PDCD5: variants seen among roughly 807,000 people sequenced by gnomAD.
The protein encoded by PDCD5 is programmed cell death 5, also known as programmed cell death protein 5.
Under a neutral mutation model 21.9 loss-of-function variants are expected in PDCD5, and 23 were observed. That is an observed-to-expected ratio of 1.05 (90% CI 0.76 to 1.49). PDCD5 has a LOEUF of 1.49. Ranked by LOEUF, PDCD5 falls within the 40% of genes most tolerant of loss-of-function variation. PDCD5 has a pLI of 0.00. For missense variants in PDCD5, 152 were observed against 147.7 expected (o/e 1.03, Z -0.15); for synonymous variants, 45 against 49.4 (o/e 0.91, Z 0.37).
At chr19:32,581,371 C>A in intron 1 of PDCD5, 44 bp downstream of exon 1, 1 of 1,375,306 alleles carries the variant, frequency 7.3e-7, no homozygotes, top group Non-Finnish European at 9.6e-7. Context: ...CGCGGGGCGC[C>A]GCCCTCGCCC....
intron 1 of PDCD5, 89 bp downstream of exon 1, chr19:32,581,416 G>C (rs1199362460): frequency 3.4e-6 from 3 of 885,138 alleles, no homozygotes; most frequent in Non-Finnish European, 4.6e-6. Flanking sequence ...CGGAGGCTCT[G>C]GGCGCCTCCC....
Position 32,585,908 on chromosome 19 carries a change from G to A in PDCD5, c.258+1G>A. ...AAGATATGGACAACTAAGTGAGAAG[G>A]TAAGCTTAGACAGCCTTGAGGAACT... On this transcript the variant is annotated splice_donor_variant, in intron 4 of 5. Transcript: ENST00000590247. LOFTEE classifies it high-confidence loss of function. 1.2e-6 allele frequency: 2 copies of A among 1,612,768 alleles called. No individual in the cohort carries two copies. Among genetic ancestry groups the A allele is most frequent in the Non-Finnish European group, 1.7e-6 (2 of 1,178,740 alleles).
chr19:32,587,246 C>T lies in PDCD5; in HGVS notation c.331-7C>T, dbSNP rs369711435. 5.5e-5 allele frequency: 87 copies of T among 1,588,404 alleles called. No individual in the cohort carries two copies. Among genetic ancestry groups the T allele is most frequent in the Non-Finnish European group, 6.9e-5 (80 of 1,158,892 alleles). ...ATGTTCTGACACTCATTTAATTTTC[C>T]TCCCAGTTCAACAGAAGAAAAGTAA... On this transcript the variant is annotated splice_region_variant and splice_polypyrimidine_tract_variant and intron_variant, in intron 5 of 5. Coordinates refer to ENST00000590247, the MANE Select transcript of PDCD5 (RefSeq NM_004708.4).
At chr19:32,583,987 A>G (rs1180034125) in intron 2 of PDCD5, among the ~76,000 whole-genome samples, 2 of 152,050 alleles carry the variant, frequency 1.3e-5, no homozygotes, top group Non-Finnish European at 2.9e-5. Flanking sequence ...ACCCGCCACC[A>G]TGCCCGGCTA....
At chr19:32,584,808 T>TA (rs773005824) in intron 2 of PDCD5, 142 bp from the exon 3 acceptor site, 106 of 703,658 alleles carry the variant, frequency 1.5e-4, no homozygotes, top group Non-Finnish European at 2.4e-4. Flanking sequence ...GCTGCAGCCT[T>TA]ATGTACAGCA....
intron 1 of PDCD5, chr19:32,581,573 C>G (rs998696503): frequency 1.1e-5 from 4 of 354,488 alleles, no homozygotes; most frequent in Non-Finnish European, 2.0e-5. Flanking sequence ...GTGTGGGGTC[C>G]CCTAGCCTGG....
chr19:32,581,261 C>T lies in PDCD5; in HGVS notation c.-1C>T, dbSNP rs1971420878. 3 of 1,516,260 alleles carry T rather than the reference C, an allele frequency of 2.0e-6. No individual in the cohort carries two copies. The highest frequency in any genetic ancestry group is 2.1e-5 in the Admixed American group (1 of 48,580). The allele number at this position is 1,516,260 out of a possible 1,614,324, so 93.9% of individuals were successfully genotyped here. On this transcript the variant is annotated 5_prime_UTR_variant, in exon 1 of 6. Transcript: ENST00000590247. ...GGCTGCTCCAGCGCTGACGCCGAGC[C>T]ATGGCGGACGAGGAGCTTGAGGCGC...
intron 3 of PDCD5, 64 bp downstream of exon 3, chr19:32,585,075 A>G: frequency 9.3e-7 from 1 of 1,075,820 alleles, no homozygotes; most frequent in Non-Finnish European, 1.5e-6. Flanking sequence ...GTGATTAGAT[A>G]CCATTATTGC....
Position 32,586,703 on chromosome 19 carries a change from G to C in PDCD5, c.259-155G>C, listed in dbSNP as rs560919037. ...ATTTTATTTGGAACTTAAACCAATA[G>C]TTATAACCAATAGTTTCAACCTCCT... On this transcript the variant is annotated intron_variant, in intron 4 of 5. Transcript: ENST00000590247. 5 of 1,358,706 alleles carry C rather than the reference G, an allele frequency of 3.7e-6. No individual in the cohort carries two copies. In the East Asian group the frequency reaches 1.4e-4, roughly 39 times the overall value. The allele number at this position is 1,358,706 out of a possible 1,614,324, so 84.2% of individuals were successfully genotyped here. A position where few individuals can be genotyped will look rare whatever the true frequency, so the allele number is the denominator to read the frequency against.
chr19:32,586,111 T>C, intron 4 of PDCD5: 1 of 1,521,176 alleles, frequency 6.6e-7, no homozygotes. Context: ...CTGGCGTTGC[T>C]CTGGAACCTT....
At chr19:32,586,660 T>G in intron 4 of PDCD5, 198 bp from the exon 5 acceptor site, 1 of 1,302,320 alleles carries the variant, frequency 7.7e-7, no homozygotes, top group African/African-American at 1.5e-5. Flanking sequence ...CCTTCTCAAG[T>G]GAGGAATAGC....
intron 3 of PDCD5, among the ~76,000 whole-genome samples, chr19:32,585,527 C>G (rs1027441056): frequency 1.3e-5 from 2 of 152,158 alleles, no homozygotes; most frequent in Non-Finnish European, 2.9e-5. Context: ...ATAGATAAAC[C>G]GCTTTCCAGA....
intron 2 of PDCD5, among the ~76,000 whole-genome samples, chr19:32,583,239 C>T (rs1971445810): frequency 6.6e-6 from 1 of 152,112 alleles, no homozygotes; most frequent in Non-Finnish European, 1.5e-5. Context: ...TACGTCAGGG[C>T]CAGGTGCATG....
intron 3 of PDCD5, 35 bp from the exon 4 acceptor site, chr19:32,585,781 A>T: frequency 1.7e-6 from 2 of 1,206,124 alleles, no homozygotes; most frequent in Non-Finnish European, 2.5e-6. Flanking sequence ...ATTTGATTTT[A>T]ATGGATTTTT....
At chr19:32,584,135 A>G (rs1230090174) in intron 2 of PDCD5, among the ~76,000 whole-genome samples, 1 of 151,748 alleles carries the variant, frequency 6.6e-6, no homozygotes, top group Non-Finnish European at 1.5e-5. Flanking sequence ...CCTGGCCTAG[A>G]CCCCATCTCT....
chr19:32,585,464 C>G (rs927092793), intron 3 of PDCD5, among the ~76,000 whole-genome samples: 3 of 152,044 alleles, frequency 2.0e-5, no homozygotes, highest in Non-Finnish European at 4.4e-5. Flanking sequence ...AACTGGAAGC[C>G]CAGTTTGAGT....
chr19:32,587,027 C>A, intron 5 of PDCD5, 98 bp downstream of exon 5: 1 of 1,141,410 alleles, frequency 8.8e-7, no homozygotes, highest in African/African-American at 1.6e-5. Flanking sequence ...AGCCCAGAGA[C>A]ATTTTCCTTT....
At chr19:32,587,030 T>C (rs1234925046) in intron 5 of PDCD5, 101 bp downstream of exon 5, 3 of 1,122,228 alleles carry the variant, frequency 2.7e-6, no homozygotes, top group South Asian at 1.5e-5. Context: ...CCAGAGACAT[T>C]TTCCTTTTGT....
chr19:32,586,980 A>G, intron 5 of PDCD5, 51 bp downstream of exon 5: 1 of 1,398,458 alleles, frequency 7.2e-7, no homozygotes, highest in Non-Finnish European at 1.0e-6. Flanking sequence ...TACTTTAAAG[A>G]TTAATGTTGA....
Sources: allele counts gnomAD v4.1 joint callset (sites outside exome capture counted in the v4.1 genomes callset), GRCh38; gene constraint gnomAD v4.1.1; transcripts MANE v1.5; gene names NCBI Gene and HGNC (gene_info 2026-07-23, HGNC 2026-07-21).